The following FTO variants were observed in gnomAD, a reference collection of about 807,000 sequenced individuals.
The protein encoded by FTO is alpha-ketoglutarate-dependent dioxygenase FTO.
Under a neutral mutation model 63.9 loss-of-function variants are expected in FTO, and 47 were observed. That is an observed-to-expected ratio of 0.74 (90% CI 0.58 to 0.94). The LOEUF (loss-of-function observed/expected upper bound fraction) is 0.94. Ranked by LOEUF, FTO falls within the 40% of genes least tolerant of loss-of-function variation. The pLI is 0.00. For missense variants in FTO, 562 were observed against 618.1 expected (o/e 0.91, Z 0.96); for synonymous variants, 207 against 224.4 (o/e 0.92, Z 0.69).
At chr16:53,881,325 A>G (rs2080827738) in intron 6 of FTO, among the ~76,000 whole-genome samples, 1 of 152,148 alleles carries the variant, frequency 6.6e-6, no homozygotes, top group South Asian at 2.1e-4. Flanking sequence ...TTCAAAGGAT[A>G]GTAAGCATGC....
At chr16:53,772,112 C>T (rs887922009) in intron 1 of FTO, among the ~76,000 whole-genome samples, 6 of 152,054 alleles carry the variant, frequency 3.9e-5, no homozygotes, top group African/African-American at 9.7e-5. Flanking sequence ...GGTATGTTAA[C>T]GATATCTCAA....
intron 8 of FTO, among the ~76,000 whole-genome samples, chr16:54,108,414 G>T (rs2144623135): frequency 6.6e-6 from 1 of 152,258 alleles, no homozygotes. Context: ...GAATACATAA[G>T]CCTCAGGGTC....
At chr16:54,091,741 A>G (rs1237258394) in intron 8 of FTO, among the ~76,000 whole-genome samples, 2 of 152,330 alleles carry the variant, frequency 1.3e-5, no homozygotes, top group East Asian at 1.9e-4. Context: ...GATTTGGAGC[A>G]TGGGCTCTGG....
chr16:53,732,935 A>C (rs750496349), intron 1 of FTO, among the ~76,000 whole-genome samples: 50 of 152,266 alleles, frequency 3.3e-4, no homozygotes, highest in Non-Finnish European at 6.8e-4. Context: ...ATCTGGTGTC[A>C]TGTGAGACAT....
chr16:54,063,219 G>A (rs1006831202), intron 8 of FTO, among the ~76,000 whole-genome samples: 4 of 152,188 alleles, frequency 2.6e-5, no homozygotes, highest in Non-Finnish European at 5.9e-5. Flanking sequence ...CAAATCAAAT[G>A]AATCCAAGTT....
At chr16:53,974,485 T>C (rs982633009) in intron 8 of FTO, among the ~76,000 whole-genome samples, 11 of 152,160 alleles carry the variant, frequency 7.2e-5, no homozygotes, top group Admixed American at 6.5e-5. Flanking sequence ...CATGCAAACC[T>C]TTCACTATCC....
chr16:53,787,015 G>A (rs1272308730), intron 1 of FTO, among the ~76,000 whole-genome samples: 4 of 148,300 alleles, frequency 2.7e-5, no homozygotes, highest in African/African-American at 1.0e-4. Flanking sequence ...GGAGGCTGAG[G>A]CAGGAGAATT....
At chr16:53,747,469 G>T (rs1233303855) in intron 1 of FTO, among the ~76,000 whole-genome samples, 3 of 151,912 alleles carry the variant, frequency 2.0e-5, no homozygotes, top group Non-Finnish European at 2.9e-5. Context: ...CATGTATCTG[G>T]TGGCCATTTG....
chr16:53,869,199 C>A (rs2080419139), intron 4 of FTO, among the ~76,000 whole-genome samples: 1 of 151,804 alleles, frequency 6.6e-6, no homozygotes, highest in African/African-American at 2.4e-5. Flanking sequence ...TTTTTTTTTC[C>A]TCTCAACACC....
intron 8 of FTO, among the ~76,000 whole-genome samples, chr16:54,101,820 G>A (rs900072932): frequency 1.3e-5 from 2 of 152,156 alleles, no homozygotes; most frequent in Non-Finnish European, 2.9e-5. Context: ...AACCTCGCCA[G>A]CATCTGTTAT....
At chr16:53,827,034 C>T (rs985841885) in intron 3 of FTO, among the ~76,000 whole-genome samples, 2 of 152,166 alleles carry the variant, frequency 1.3e-5, no homozygotes, top group African/African-American at 4.8e-5. Flanking sequence ...TACTGTCCTT[C>T]CTTGCCAGAA....
At chr16:54,097,947 G>A (rs1385739148) in intron 8 of FTO, among the ~76,000 whole-genome samples, 1 of 152,110 alleles carries the variant, frequency 6.6e-6, no homozygotes, top group African/African-American at 2.4e-5. Context: ...TTTTAGGGGA[G>A]GAGTGTTCAA....
rs747055441 is a variant in FTO at position 53,825,959 on chromosome 16, C to T, written c.219C>T (p.His73=). 1 of 1,614,180 alleles carries T rather than the reference C, an allele frequency of 6.2e-7. No individual in the cohort carries two copies. The change falls in exon 3 of 9, where the codon CAC becomes CAT. Residue 73 remains histidine, a synonymous_variant. Coordinates refer to ENST00000471389, the MANE Select transcript of FTO (RefSeq NM_001080432.3). ...TTCAAGAAGCCTTTCTCACACTGCA[C>T]AAGCATGGCTGCTTATTTCGGGACC... The part of the protein sequence containing the change: ...KEVQEAFLTL[H]KHGCLFRDLV...
chr16:53,765,951 A>G (rs1332642445), intron 1 of FTO, among the ~76,000 whole-genome samples: 1 of 152,070 alleles, frequency 6.6e-6, no homozygotes, highest in East Asian at 1.9e-4. Context: ...GGAGTGACTT[A>G]CTCTGATTTG....
At chr16:53,888,720 T>C (rs902431105) in intron 6 of FTO, 112 bp from the exon 7 acceptor site, 5 of 1,167,576 alleles carry the variant, frequency 4.3e-6, no homozygotes, top group Non-Finnish European at 6.5e-6. Flanking sequence ...TCTCACCTTT[T>C]CTCATCCTAT....
chr16:53,828,750 A>G (rs907564756), intron 3 of FTO, among the ~76,000 whole-genome samples: 3 of 152,254 alleles, frequency 2.0e-5, no homozygotes, highest in South Asian at 4.1e-4. Flanking sequence ...GTTCATGGTG[A>G]TGCAGCAAGT....
intron 1 of FTO, among the ~76,000 whole-genome samples, chr16:53,801,054 C>T (rs1350854992): frequency 6.6e-6 from 1 of 152,014 alleles, no homozygotes; most frequent in Non-Finnish European, 1.5e-5. Context: ...TCCAATTTGA[C>T]AGTTTCTCCC....
chr16:53,844,071 C>T (rs990289540), intron 3 of FTO, 84 bp from the exon 4 acceptor site: 1 of 1,028,462 alleles, frequency 9.7e-7, no homozygotes, highest in Non-Finnish European at 1.5e-6. Context: ...ATTAAAATAT[C>T]AATTCTTTCT....
At chr16:54,110,553 T>TC (rs769427219) in intron 8 of FTO, among the ~76,000 whole-genome samples, 2 of 152,302 alleles carry the variant, frequency 1.3e-5, no homozygotes, top group East Asian at 3.9e-4. Flanking sequence ...AAGTATGTTT[T>TC]CCCCGGGGGG....
Sources: gnomAD v4.1 joint callset for allele counts (sites outside exome capture counted in the v4.1 genomes callset) on GRCh38, gnomAD v4.1.1 for gene constraint, MANE v1.5 for transcripts, NCBI Gene and HGNC (gene_info 2026-07-23, HGNC 2026-07-21) for gene names.